ARHGAP24: variants seen among roughly 807,000 people sequenced by gnomAD.
ARHGAP24 encodes the protein Rho GTPase activating protein 24.
Under a neutral mutation model 76.4 loss-of-function variants are expected in ARHGAP24, and 50 were observed. The observed-to-expected ratio is 0.65, with a 90% CI of 0.52 to 0.83. The LOEUF (loss-of-function observed/expected upper bound fraction) is 0.83, where lower values mean the gene tolerates loss of function less well. Ranked by LOEUF, ARHGAP24 falls within the 40% of genes least tolerant of loss-of-function variation. The pLI is 0.00. For missense variants in ARHGAP24, 930 were observed against 914.2 expected, an observed-to-expected ratio of 1.02 and a Z score of -0.22; for synonymous variants, 345 against 323.3, an observed-to-expected ratio of 1.07 and a Z score of -0.72.
chr4:85,626,326 A>G (rs1399977768), intron 2 of ARHGAP24, among the ~76,000 whole-genome samples: 2 of 152,092 alleles, frequency 1.3e-5, no homozygotes, highest in Non-Finnish European at 2.9e-5. Flanking sequence ...TCCTTCACTT[A>G]TGAAGCTTAG....
At chr4:85,797,697 A>G (rs12710823) in intron 3 of ARHGAP24, among the ~76,000 whole-genome samples, 106,350 of 152,116 alleles carry the variant, frequency 0.7, 38,527 homozygotes, top group East Asian at 0.83. Context: ...CTTCTTGTCA[A>G]TTGTCACAAA....
At chr4:85,923,561 A>G in intron 3 of ARHGAP24, 87 bp from the exon 4 acceptor site, 1 of 1,578,620 alleles carries the variant, frequency 6.3e-7, no homozygotes, top group South Asian at 1.1e-5. Context: ...TATTAGGCAC[A>G]GTCTCTGTTT....
At chr4:85,976,799 C>T (rs1413729722) in intron 7 of ARHGAP24, among the ~76,000 whole-genome samples, 1 of 122,032 alleles carries the variant, frequency 8.2e-6, no homozygotes, top group Non-Finnish European at 1.6e-5. Flanking sequence ...TTTTTTTTTC[C>T]GAGACCGAGT....
At chr4:85,551,442 G>A (rs1726133856) in intron 1 of ARHGAP24, among the ~76,000 whole-genome samples, 1 of 152,152 alleles carries the variant, frequency 6.6e-6, no homozygotes, top group South Asian at 2.1e-4. Flanking sequence ...GTATTCTGTT[G>A]AGGATTTTTG....
intron 2 of ARHGAP24, among the ~76,000 whole-genome samples, chr4:85,659,461 AT>A (rs1722300209): frequency 6.6e-6 from 1 of 152,188 alleles, no homozygotes; most frequent in Non-Finnish European, 1.5e-5. Flanking sequence ...TAAAATGGAA[AT>A]TGTGTCTCAA....
chr4:85,533,125 G>T (rs1215316149), intron 1 of ARHGAP24, among the ~76,000 whole-genome samples: 1 of 152,162 alleles, frequency 6.6e-6, no homozygotes, highest in Admixed American at 6.6e-5. Flanking sequence ...GGAATATTTG[G>T]TGGAGAGTTT....
At position 85,609,482 on chromosome 4, in the gene ARHGAP24, G is replaced by T. The variant is rs148292586; in HGVS notation, c.180+38761G>T. The stretch of plus-strand genomic sequence containing the variant: ...GTTCACTATCAGTTGAGTAATTACT[G>T]ATTTTTAAGACAATTTTATTTTCCT... On this transcript the variant is annotated intron_variant, in intron 2 of 9. Coordinates refer to ENST00000395184, the MANE Select transcript of ARHGAP24 (RefSeq NM_001025616.3). Among the ~76,000 whole-genome samples, 678 of 152,234 alleles carry T rather than the reference G, an allele frequency of 4.5e-3. 5 individuals carry two copies. Among genetic ancestry groups the T allele is most frequent in the African/African-American group, 0.016 (652 of 41,536 alleles).
At chr4:85,698,754 CCTAGCAAGGACACT>C (rs767901532) in intron 2 of ARHGAP24, among the ~76,000 whole-genome samples, 1 of 152,180 alleles carries the variant, frequency 6.6e-6, no homozygotes, top group Non-Finnish European at 1.5e-5. Context: ...CAAAGAGCGA[CCTAGCAAGGACACT>C]CTTTGATATA....
At chr4:85,815,690 T>G (rs1271117074) in intron 3 of ARHGAP24, among the ~76,000 whole-genome samples, 4 of 152,212 alleles carry the variant, frequency 2.6e-5, no homozygotes, top group African/African-American at 7.2e-5. Context: ...TTTCCTGTCT[T>G]CTTCTGAGCC....
chr4:85,759,377 A>T (rs77183606), intron 3 of ARHGAP24, among the ~76,000 whole-genome samples: 22,238 of 152,132 alleles, frequency 0.15, 2,099 homozygotes, highest in East Asian at 0.37. Flanking sequence ...CAAAATATAG[A>T]TAGGATTTTT....
At chr4:85,686,569 C>G (rs932108848) in intron 2 of ARHGAP24, 40 of 152,194 alleles carry the variant, frequency 2.6e-4, no homozygotes, top group Admixed American at 2.5e-3. Context: ...GTAAGTTGTT[C>G]CAAAATGCTT....
At chr4:85,770,503 C>T (rs1187202390) in intron 3 of ARHGAP24, among the ~76,000 whole-genome samples, 2 of 152,160 alleles carry the variant, frequency 1.3e-5, no homozygotes, top group African/African-American at 4.8e-5. Flanking sequence ...TTGTCAATAA[C>T]TGCCTGTTTT....
chr4:85,774,822 A>G (rs1727251915), intron 3 of ARHGAP24, among the ~76,000 whole-genome samples: 1 of 152,142 alleles, frequency 6.6e-6, no homozygotes, highest in Admixed American at 6.5e-5. Flanking sequence ...CTTCATGTTT[A>G]TGGACTTAAG....
chr4:85,756,408 AC>A (rs1469320037), intron 3 of ARHGAP24, among the ~76,000 whole-genome samples: 2 of 152,156 alleles, frequency 1.3e-5, no homozygotes, highest in African/African-American at 2.4e-5. Context: ...TGATCTCAAA[AC>A]TTTTTGATCA....
chr4:85,656,198 T>C (rs1722162862), intron 2 of ARHGAP24, among the ~76,000 whole-genome samples: 4 of 152,192 alleles, frequency 2.6e-5, no homozygotes, highest in African/African-American at 9.7e-5. Flanking sequence ...GAGACAATTC[T>C]GAAATGTATT....
intron 1 of ARHGAP24, among the ~76,000 whole-genome samples, chr4:85,534,033 TG>T (rs1440196419): frequency 2.0e-5 from 3 of 152,116 alleles, no homozygotes; most frequent in Non-Finnish European, 2.9e-5. Flanking sequence ...CCACAAGTCC[TG>T]GATGAAGAAA....
At chr4:85,565,620 A>G (rs1367674293) in intron 1 of ARHGAP24, among the ~76,000 whole-genome samples, 1 of 152,114 alleles carries the variant, frequency 6.6e-6, no homozygotes, top group South Asian at 2.1e-4. Flanking sequence ...CACTGAGTGG[A>G]TGCATTGTGG....
chr4:85,934,083 C>A (rs1384934230), intron 4 of ARHGAP24, among the ~76,000 whole-genome samples: 1 of 152,186 alleles, frequency 6.6e-6, no homozygotes, highest in Non-Finnish European at 1.5e-5. Flanking sequence ...CCTCTGTGCA[C>A]CCCCAGCACT....
intron 3 of ARHGAP24, among the ~76,000 whole-genome samples, chr4:85,831,751 A>C (rs781100969): frequency 9.9e-5 from 15 of 152,118 alleles, no homozygotes; most frequent in Middle Eastern, 3.4e-3. Context: ...AAAATACAAA[A>C]ATTAGTGGGA....
Sources: allele counts gnomAD v4.1 joint callset (sites outside exome capture counted in the v4.1 genomes callset), GRCh38; gene constraint gnomAD v4.1.1; transcripts MANE v1.5; gene names NCBI Gene and HGNC (gene_info 2026-07-23, HGNC 2026-07-21).